CLEC4E: variants seen among roughly 807,000 people sequenced by gnomAD.
The protein encoded by CLEC4E is C-type lectin domain family 4 member E, also known as C-type (calcium dependent, carbohydrate-recognition domain) lectin, superfamily member 9.
Under a neutral mutation model 24.7 loss-of-function variants are expected in CLEC4E, and 21 were observed. The observed-to-expected ratio is 0.85, with a 90% CI of 0.60 to 1.22. The LOEUF (loss-of-function observed/expected upper bound fraction) is 1.22. Ranked by LOEUF, CLEC4E falls within the 50% of genes most tolerant of loss-of-function variation. The pLI, the probability that CLEC4E is intolerant of heterozygous loss-of-function variation, is 0.00. For synonymous variants in CLEC4E, 94 were observed against 85.7 expected (o/e 1.10, Z -0.54); for missense variants, 249 against 254.1 (o/e 0.98, Z 0.14).
Position 8,536,137 on chromosome 12 carries a change from C to T in CLEC4E, c.441G>A (p.Glu147=). Reference sequence around the variant, plus strand: ...TGCCGTCCACCCATTGCCACTGACCCTCGACAACCTGGTCTGACAGTCCAA... The same window carrying T: ...TGCCGTCCACCCATTGCCACTGACCTTCGACAACCTGGTCTGACAGTCCAA... ...FFIGLSDQVV[E]GQWQWVDGTP... is the part of the protein sequence containing the mutation. The change falls in exon 5 of 6, where the codon GAG becomes GAA. Residue 147 remains glutamate (E), a synonymous_variant. Transcript: ENST00000299663. 1 of 1,613,530 alleles carries T rather than the reference C, an allele frequency of 6.2e-7. No individual in the cohort carries two copies. The highest frequency in any genetic ancestry group is 8.5e-7 in the Non-Finnish European group (1 of 1,179,602).
At chr12:8,537,030 TG>T in intron 4 of CLEC4E, 84 bp downstream of exon 4, 1 of 1,218,982 alleles carries the variant, frequency 8.2e-7, no homozygotes, top group Non-Finnish European at 1.1e-6. Flanking sequence ...CAATAGTCAT[TG>T]GGGGTCAAGC....
chr12:8,539,905 G>A lies in CLEC4E; in HGVS notation c.80C>T (p.Ala27Val), dbSNP rs752154371. ...FSSQMFLWTV[A>V]GIPILFLSAC... The stretch of plus-strand genomic sequence containing the variant: ...ACTGAGAAATAGGATGGGGATCCCA[G>A]CAACAGTCCATAAGAACATTTGGGA... The change falls in exon 2 of 6, where the codon GCT becomes GTT. Residue 27 changes from alanine to valine, a missense_variant. Ala to Val is a moderately conservative substitution (Grantham distance 64, BLOSUM62 0). Transcript: ENST00000299663. The A allele has an allele frequency of 1.8e-5, 29 of 1,612,440 alleles. No individual in the cohort carries two copies. Among genetic ancestry groups the A allele is most frequent in the Non-Finnish European group, 8.5e-7 (1 of 1,178,628 alleles).
intron 5 of CLEC4E, 24 bp from the exon 6 acceptor site, chr12:8,534,833 CTT>C (rs1449456997): frequency 6.3e-7 from 1 of 1,585,404 alleles, no homozygotes; most frequent in South Asian, 1.2e-5. Context: ...ACATAGGAGA[CTT>C]AAAATCCCAG....
intron 3 of CLEC4E, among the ~76,000 whole-genome samples, chr12:8,538,339 A>G (rs1454125818): frequency 6.6e-6 from 1 of 152,244 alleles, no homozygotes; most frequent in African/African-American, 2.4e-5. Flanking sequence ...AAGTACTAAT[A>G]GTCCCTGATA....
At chr12:8,538,324 A>C (rs1940644136) in intron 3 of CLEC4E, among the ~76,000 whole-genome samples, 1 of 152,226 alleles carries the variant, frequency 6.6e-6, no homozygotes, top group Non-Finnish European at 1.5e-5. Flanking sequence ...GTAGTAAATT[A>C]GCGAAAGTAC....
intron 3 of CLEC4E, among the ~76,000 whole-genome samples, chr12:8,537,747 T>C (rs1373835821): frequency 2.6e-5 from 4 of 152,232 alleles, no homozygotes; most frequent in African/African-American, 4.8e-5. Context: ...TGTTCCAGTA[T>C]AATAAAATAT....
chr12:8,536,054 G>C lies in CLEC4E; in HGVS notation c.488+36C>G. On this transcript the variant is annotated intron_variant, in intron 5 of 5. Transcript: ENST00000299663. ...TGATCTATTGCAGGTAACAGAAGGA[G>C]GTTTCAAGAACTCCTCTCAATAGGA... 3 of 1,231,300 alleles carry C rather than the reference G, an allele frequency of 2.4e-6. No homozygotes were observed. In the South Asian group the frequency reaches 3.6e-5, roughly 15 times the overall value. 76.3% of individuals were successfully genotyped at this position (1,231,300 alleles called of 1,614,324 possible). A position where few individuals can be genotyped will look rare whatever the true frequency, so the allele number is the denominator to read the frequency against.
At chr12:8,540,688 C>T (rs1291361921) in intron 1 of CLEC4E, 73 bp downstream of exon 1, 19 of 1,317,458 alleles carry the variant, frequency 1.4e-5, no homozygotes, top group Admixed American at 8.5e-5. Context: ...TTCTATTGTC[C>T]TGTCTTTCAC....
At chr12:8,535,343 G>C (rs1277974523) in intron 5 of CLEC4E, among the ~76,000 whole-genome samples, 1 of 152,054 alleles carries the variant, frequency 6.6e-6, no homozygotes, top group Non-Finnish European at 1.5e-5. Context: ...GCTAAATAAA[G>C]ATTAATAATA....
chr12:8,537,110 GC>G lies in CLEC4E; in HGVS notation c.372+4del. Reference sequence around the variant, plus strand: ...GTTACATTGGCATCGGAGGACTCCAGCTACCTGCTCCTCCTGTGAGTTGATA... The same window carrying G: ...GTTACATTGGCATCGGAGGACTCCAGTACCTGCTCCTCCTGTGAGTTGATA... On this transcript the variant is annotated splice_donor_region_variant and intron_variant, in intron 4 of 5. Coordinates refer to ENST00000299663, the MANE Select transcript of CLEC4E (RefSeq NM_014358.4). 1 of 1,610,204 alleles carries G rather than the reference GC, an allele frequency of 6.2e-7. No individual in the cohort carries two copies. The highest frequency in any genetic ancestry group is 1.3e-5 in the African/African-American group (1 of 74,956).
chr12:8,539,001 C>A, intron 3 of CLEC4E: 2 of 477,232 alleles, frequency 4.2e-6, no homozygotes, highest in South Asian at 4.1e-5. Flanking sequence ...ATTTACTGTT[C>A]AGACATACCC....
Position 8,539,308 on chromosome 12 carries a change from T to G in CLEC4E, c.131-2A>C, listed in dbSNP as rs1487395235. The G allele has an allele frequency of 6.2e-7, 1 of 1,601,116 alleles. No individual in the cohort carries two copies. Among genetic ancestry groups the G allele is most frequent in the Non-Finnish European group, 8.5e-7 (1 of 1,170,936 alleles). ...AGGTTTGAAAGATGCGAAATGTCAC[T>G]GTAAAAGAAAGGGCATAATGTTTGT... On this transcript the variant is annotated splice_acceptor_variant, in intron 2 of 5. Transcript: ENST00000299663. LOFTEE classifies it high-confidence loss of function.
rs370684513 is a variant in CLEC4E at position 8,538,212 on chromosome 12, G to A, written c.221-946C>T. Among the ~76,000 whole-genome samples, 63 of 152,338 alleles carry A rather than the reference G, an allele frequency of 4.1e-4. No homozygotes were observed. In the East Asian group the frequency reaches 6.6e-3, roughly 16 times the overall value. ...TAGTCAGGCTTGCCCGCAGTTATCC[G>A]GAGGCCTAACCGTCTCCCTGTGATG... On this transcript the variant is annotated intron_variant, in intron 3 of 5. Transcript: ENST00000299663.
Position 8,540,030 on chromosome 12 carries a change from C to T in CLEC4E, c.38-83G>A, listed in dbSNP as rs111679809. Reference sequence around the variant, plus strand: ...TAGAAGAGATTCTTATTCATCCTTACTTATTTCCTTCTACTTCCATTGTTT... The same window carrying T: ...TAGAAGAGATTCTTATTCATCCTTATTTATTTCCTTCTACTTCCATTGTTT... On this transcript the variant is annotated intron_variant, in intron 1 of 5. Coordinates refer to ENST00000299663, the MANE Select transcript of CLEC4E (RefSeq NM_014358.4). 1,096 of 883,488 alleles carry T rather than the reference C, an allele frequency of 1.2e-3. 9 individuals carry two copies. In the African/African-American group the frequency reaches 0.015, roughly 12 times the overall value. The allele number at this position is 883,488 out of a possible 1,614,324, so 54.7% of individuals were successfully genotyped here.
At chr12:8,540,140 G>A (rs991843409) in intron 1 of CLEC4E, among the ~76,000 whole-genome samples, 193 bp from the exon 2 acceptor site, 4 of 152,140 alleles carry the variant, frequency 2.6e-5, no homozygotes, top group African/African-American at 9.7e-5. Context: ...CTTACCCCCA[G>A]AGTTAGCAAC....
In CLEC4E at chr12:8,539,240, A is replaced by G. The variant is rs1488289333; in HGVS notation, c.197T>C (p.Leu66Pro). 1 of 1,611,970 alleles carries G rather than the reference A, an allele frequency of 6.2e-7. No homozygotes were observed. Among genetic ancestry groups the G allele is most frequent in the Non-Finnish European group, 8.5e-7 (1 of 1,178,204 alleles). Reference sequence around the variant, plus strand: ...ACCTGATCCATAATTGTAGCAGGAGAGCTCTGTGAAATTCTCAGGTAGCTG... The same window carrying G: ...ACCTGATCCATAATTGTAGCAGGAGGGCTCTGTGAAATTCTCAGGTAGCTG... The part of the protein sequence containing the change: ...KFQLPENFTE[L>P]SCYNYGSGSV... The change falls in exon 3 of 6, where the codon CTC becomes CCC. Residue 66 changes from leucine to proline, a missense_variant. Physicochemically the swap from Leu to Pro is moderately conservative, Grantham distance 98. Coordinates refer to ENST00000299663, the MANE Select transcript of CLEC4E (RefSeq NM_014358.4).
In CLEC4E at chr12:8,534,501, T is replaced by C; in HGVS notation, c.*137A>G. 5.2e-6 allele frequency: 3 copies of C among 580,154 alleles called. No homozygotes were observed. The highest frequency in any genetic ancestry group is 8.8e-6 in the Non-Finnish European group (3 of 339,262). 35.9% of individuals were successfully genotyped at this position (580,154 alleles called of 1,614,324 possible). ...ATGAATTATAACATTTAAAACTACT[T>C]ATTTTTATTTATATCAGAGTAACAA... On this transcript the variant is annotated 3_prime_UTR_variant, in exon 6 of 6. Coordinates refer to ENST00000299663, the MANE Select transcript of CLEC4E (RefSeq NM_014358.4).
At position 8,539,960 on chromosome 12, in the gene CLEC4E, A is replaced by G; in HGVS notation, c.38-13T>C. ...AAGCATCCTCTCTCTGTAGAAAGAA[A>G]GACACAAACATGATCAATCTTCCCT... On this transcript the variant is annotated splice_polypyrimidine_tract_variant and intron_variant, in intron 1 of 5. Transcript: ENST00000299663. The G allele has an allele frequency of 6.7e-7, 1 of 1,489,124 alleles. No individual in the cohort carries two copies. Among genetic ancestry groups the G allele is most frequent in the Non-Finnish European group, 9.4e-7 (1 of 1,066,318 alleles). The allele number at this position is 1,489,124 out of a possible 1,614,324, so 92.2% of individuals were successfully genotyped here.
intron 1 of CLEC4E, 123 bp downstream of exon 1, chr12:8,540,636 CCT>C: frequency 1.2e-6 from 1 of 828,912 alleles, no homozygotes; most frequent in East Asian, 2.5e-5. Context: ...TCTCTCTCTT[CCT>C]CTGTCCCCCC....
Sources: gnomAD v4.1 joint callset for allele counts (sites outside exome capture counted in the v4.1 genomes callset) on GRCh38, gnomAD v4.1.1 for gene constraint, MANE v1.5 for transcripts, NCBI Gene and HGNC (gene_info 2026-07-23, HGNC 2026-07-21) for gene names.